The following KAZN variants were observed in gnomAD, a reference collection of about 807,000 sequenced individuals.
KAZN encodes kazrin.
Under a neutral mutation model 87.4 loss-of-function variants are expected in KAZN, and 40 were observed. The ratio of observed to expected loss-of-function variants is 0.46; its 90% CI spans 0.36 to 0.60. The LOEUF (loss-of-function observed/expected upper bound fraction) is 0.60, where lower values mean the gene tolerates loss of function less well. Ranked by LOEUF, KAZN falls within the 20% of genes least tolerant of loss-of-function variation. The pLI, the probability that KAZN is intolerant of heterozygous loss-of-function variation, is 0.00. For missense variants in KAZN, 898 were observed against 1,073.9 expected, an observed-to-expected ratio of 0.84 and a Z score of 2.29; for synonymous variants, 466 against 458.3, an observed-to-expected ratio of 1.02 and a Z score of -0.22.
intron 1 of KAZN, among the ~76,000 whole-genome samples, chr1:14,887,656 C>T (rs895452513): frequency 7.3e-5 from 11 of 150,388 alleles, no homozygotes; most frequent in Admixed American, 1.3e-4. Flanking sequence ...ACCATCAACC[C>T]GTCGTGGTAG....
intron 2 of KAZN, among the ~76,000 whole-genome samples, chr1:14,387,163 T>A (rs1263898657): frequency 6.6e-6 from 1 of 152,212 alleles, no homozygotes; most frequent in Admixed American, 6.5e-5. Context: ...TTCAGCTCCA[T>A]CAGCTCCTTT....
chr1:14,826,889 T>G lies in KAZN; in HGVS notation c.227-133795T>G, dbSNP rs541878150. Among the ~76,000 whole-genome samples, 3 of 152,274 alleles carry G rather than the reference T, an allele frequency of 2.0e-5. No homozygotes were observed. In the South Asian group the frequency reaches 6.2e-4, roughly 32 times the overall value. On this transcript the variant is annotated intron_variant, in intron 1 of 14. Coordinates refer to ENST00000376030, the MANE Select transcript of KAZN (RefSeq NM_201628.3). ...TGGTGCAGCGAAAAGAATGAAGACT[T>G]GGGGTCAGACCAAATGGGGTTCAGA...
intron 2 of KAZN, among the ~76,000 whole-genome samples, chr1:14,516,496 T>A (rs996410410): frequency 2.0e-5 from 3 of 152,216 alleles, no homozygotes; most frequent in African/African-American, 7.2e-5. Context: ...CACGTCAGGC[T>A]AATGAGACTC....
At chr1:15,001,870 CTTTTT>C (rs34948148) in intron 2 of KAZN, among the ~76,000 whole-genome samples, 2 of 57,752 alleles carry the variant, frequency 3.5e-5, no homozygotes. Flanking sequence ...AAGTCAAAAT[CTTTTT>C]TTTTTTTTTT....
chr1:14,292,214 G>A (rs1484997630), intron 2 of KAZN, among the ~76,000 whole-genome samples: 1 of 152,234 alleles, frequency 6.6e-6, no homozygotes, highest in African/African-American at 2.4e-5. Context: ...TGTCACAGAA[G>A]CAATGAAAGT....
At chr1:14,628,528 A>C (rs1679317898) in intron 1 of KAZN, among the ~76,000 whole-genome samples, 1 of 152,262 alleles carries the variant, frequency 6.6e-6, no homozygotes, top group African/African-American at 2.4e-5. Context: ...AAATGTCAAA[A>C]GAGTTTTCAT....
intron 2 of KAZN, among the ~76,000 whole-genome samples, chr1:14,456,161 A>G (rs532617391): frequency 7.9e-5 from 12 of 152,236 alleles, no homozygotes; most frequent in Admixed American, 2.0e-4. Context: ...ATCCATTACT[A>G]TGTAACACAT....
intron 1 of KAZN, among the ~76,000 whole-genome samples, chr1:14,027,014 G>A (rs2101300163): frequency 6.6e-6 from 1 of 152,278 alleles, no homozygotes; most frequent in Middle Eastern, 3.4e-3. Context: ...CAAAGAATGG[G>A]AAGGTAAAAC....
At chr1:14,072,806 G>A (rs116458642) in intron 1 of KAZN, among the ~76,000 whole-genome samples, 1,805 of 152,224 alleles carry the variant, frequency 0.012, 18 homozygotes, top group Admixed American at 0.022. Context: ...GTGTAAGGGC[G>A]AAATGAGATG....
At position 14,820,733 on chromosome 1, in the gene KAZN, GTA is replaced by G. The variant is rs1256262545; in HGVS notation, c.227-139950_227-139949del. On this transcript the variant is annotated intron_variant, in intron 1 of 14. Coordinates refer to ENST00000376030, the MANE Select transcript of KAZN (RefSeq NM_201628.3). This position sits in a 1 kb window ranked among gnomAD's most constrained non-coding sequence, Gnocchi z 4.1. ...GGTAAAGGTAGAAGGTGCAGATTAGGTACTGGGAATAGTCATGGTTTGGTTTG... is the reference window on the plus strand; with the variant it reads ...GGTAAAGGTAGAAGGTGCAGATTAGGCTGGGAATAGTCATGGTTTGGTTTG... 1.3e-5 allele frequency among the ~76,000 whole-genome samples: 2 copies of G among 152,212 alleles called. No individual in the cohort carries two copies. Among genetic ancestry groups the G allele is most frequent in the East Asian group, 3.8e-4 (2 of 5,198 alleles).
intron 2 of KAZN, among the ~76,000 whole-genome samples, chr1:14,985,883 A>G (rs76117444): frequency 0.019 from 2,952 of 151,742 alleles, 100 homozygotes; most frequent in African/African-American, 0.066. Flanking sequence ...CATGCCTGTA[A>G]TCCCAGCTAC....
chr1:14,054,790 G>A (rs943748234), intron 1 of KAZN, among the ~76,000 whole-genome samples: 1 of 152,210 alleles, frequency 6.6e-6, no homozygotes, highest in South Asian at 2.1e-4. Flanking sequence ...TAGGTCATGC[G>A]TGAGAGTTAG....
chr1:14,008,294 C>A (rs993362816), intron 1 of KAZN, among the ~76,000 whole-genome samples: 2 of 152,132 alleles, frequency 1.3e-5, no homozygotes, highest in Admixed American at 6.5e-5. Context: ...TGACTTCTCG[C>A]CACCGTCCCT....
intron 2 of KAZN, among the ~76,000 whole-genome samples, chr1:14,429,879 G>A (rs1248673712): frequency 6.6e-6 from 1 of 152,082 alleles, no homozygotes; most frequent in African/African-American, 2.4e-5. Context: ...ACAGGGCTGG[G>A]TGGGACATAA....
intron 2 of KAZN, among the ~76,000 whole-genome samples, chr1:14,998,301 T>C (rs537537725): frequency 4.6e-5 from 7 of 152,202 alleles, no homozygotes; most frequent in African/African-American, 1.4e-4. Flanking sequence ...GGGCCTTCTC[T>C]GCGTCTTCTG....
In KAZN at chr1:14,429,983, G is replaced by A. The variant is rs141859895; in HGVS notation, c.250-169000G>A. On this transcript the variant is annotated intron_variant, in intron 2 of 16. Coordinates refer to the KAZN transcript ENST00000636203. ...TGACCTCTTCCCCCATCCCTCTCCC[G>A]ATCACTCACTCCAGCCACACTGGCT... Among the ~76,000 whole-genome samples the A allele has an allele frequency of 5.5e-3, 841 of 151,934 alleles. 6 individuals are homozygous for A. The highest frequency in any genetic ancestry group is 0.017 in the Middle Eastern group (5 of 294).
At chr1:13,896,186 A>G (rs1174652905) in intron 1 of KAZN, among the ~76,000 whole-genome samples, 1 of 152,120 alleles carries the variant, frequency 6.6e-6, no homozygotes, top group African/African-American at 2.4e-5. Flanking sequence ...CAGATAATAA[A>G]TATTGTTGGC....
At chr1:14,726,364 T>C (rs150642717) in intron 1 of KAZN, among the ~76,000 whole-genome samples, 2,715 of 152,286 alleles carry the variant, frequency 0.018, 46 homozygotes, top group Non-Finnish European at 0.027. Flanking sequence ...GGCGACTAAT[T>C]GTCCCTGTTC....
intron 2 of KAZN, among the ~76,000 whole-genome samples, chr1:14,532,461 AT>A (rs1672258891): frequency 2.3e-5 from 1 of 44,394 alleles, no homozygotes; most frequent in Admixed American, 1.9e-4. Context: ...TGTTTTTATT[AT>A]TATTATTATT....
Sources: gnomAD v4.1 joint callset for allele counts (sites outside exome capture counted in the v4.1 genomes callset) on GRCh38, gnomAD v4.1.1 for gene constraint, Gnocchi (gnomAD v3.1) non-coding constraint, MANE v1.5 for transcripts, NCBI Gene and HGNC (gene_info 2026-07-23, HGNC 2026-07-21) for gene names.